Variants in FRMD6 observed in about 807,000 individuals in gnomAD.
FRMD6 encodes the protein FERM domain-containing protein 6.
Under a neutral mutation model 73.2 loss-of-function variants are expected in FRMD6, and 37 were observed. The observed-to-expected ratio is 0.51, with a 90% CI of 0.39 to 0.66. The LOEUF is 0.66. Ranked by LOEUF, FRMD6 falls within the 30% of genes least tolerant of loss-of-function variation. The pLI, the probability that FRMD6 is intolerant of heterozygous loss-of-function variation, is 0.00. For synonymous variants in FRMD6, 273 were observed against 282.2 expected, an observed-to-expected ratio of 0.97 and a Z score of 0.33; for missense variants, 714 against 780.5, an observed-to-expected ratio of 0.91 and a Z score of 1.02.
At position 51,711,557 on chromosome 14, in the gene FRMD6, G is replaced by T. The variant is rs1384464198; in HGVS notation, c.741G>T (p.Leu247=). The T allele has an allele frequency of 1.2e-5, 20 of 1,606,414 alleles. No homozygotes were observed. The East Asian group carries it at 1.3e-4, about 11-fold the overall frequency. The part of the protein sequence containing the change: ...YKDKREIEAS[L]TLGLTMRGIQ... ...ATAAAAGGGAAATTGAAGCATCGCT[G>T]ACTCTTGGATTGACCATGAGGGGAA... Residue 247 remains leucine (L), a synonymous_variant, in exon 8 of 14, where the codon CTG becomes CTT. Coordinates refer to ENST00000344768, the MANE Select transcript of FRMD6 (RefSeq NM_001267046.2).
intron 12 of FRMD6, 96 bp downstream of exon 12, chr14:51,722,176 C>A: frequency 7.4e-7 from 1 of 1,356,376 alleles, no homozygotes; most frequent in Non-Finnish European, 1.0e-6. Context: ...GCTGGGGGCC[C>A]TAGACCAGAG....
chr14:51,660,593 T>G (rs1893145716), intron 1 of FRMD6, among the ~76,000 whole-genome samples: 1 of 142,036 alleles, frequency 7.0e-6, no homozygotes. Flanking sequence ...GTCTGAGAGA[T>G]GTCAGTGAAT....
chr14:51,408,689 TGTAAA>T, the FRMD6 span, among the ~76,000 whole-genome samples: 9 of 152,332 alleles, frequency 5.9e-5, no homozygotes, highest in African/African-American at 1.4e-4. Flanking sequence ...TCTTTAAACA[TGTAAA>T]GTATTTTCTA....
chr14:51,708,986 A>G (rs1392911005), intron 7 of FRMD6, among the ~76,000 whole-genome samples: 1 of 152,022 alleles, frequency 6.6e-6, no homozygotes, highest in Non-Finnish European at 1.5e-5. Context: ...CCAAATAACA[A>G]CTGGGGCCAT....
At chr14:51,407,175 A>C in the FRMD6 span, among the ~76,000 whole-genome samples, 1 of 152,116 alleles carries the variant, frequency 6.6e-6, no homozygotes, top group African/African-American at 2.4e-5. Flanking sequence ...ATGTTAAAGT[A>C]ATTGTGATTG....
chr14:51,480,282 C>T, the FRMD6 span, among the ~76,000 whole-genome samples: 1 of 152,122 alleles, frequency 6.6e-6, no homozygotes, highest in Non-Finnish European at 1.5e-5. Context: ...ACAGGGTATA[C>T]GTACATGTGT....
At chr14:51,564,314 T>C (rs903831428) in intron 1 of FRMD6, among the ~76,000 whole-genome samples, 2 of 152,218 alleles carry the variant, frequency 1.3e-5, no homozygotes, top group African/African-American at 4.8e-5. Context: ...CGGTATGTGA[T>C]TTAAGTTTGC....
chr14:51,491,898 C>G (rs1366880003), intron 1 of FRMD6, among the ~76,000 whole-genome samples: 1 of 152,188 alleles, frequency 6.6e-6, no homozygotes, highest in Non-Finnish European at 1.5e-5. Flanking sequence ...TGCTGGAAAC[C>G]ACCAGGGAGA....
the FRMD6 span, among the ~76,000 whole-genome samples, chr14:51,448,069 T>C: frequency 2.8e-3 from 423 of 152,346 alleles, 2 homozygotes; most frequent in African/African-American, 9.2e-3. Flanking sequence ...ATCTCTGTGT[T>C]TGGTGTTCAC....
chr14:51,545,540 T>TAA (rs1886420762), intron 1 of FRMD6, among the ~76,000 whole-genome samples: 1 of 151,878 alleles, frequency 6.6e-6, no homozygotes, highest in Non-Finnish European at 1.5e-5. Context: ...AGGGTGGGAG[T>TAA]ATTTACACCA....
chr14:51,669,563 A>G (rs1893848665), intron 1 of FRMD6, among the ~76,000 whole-genome samples: 1 of 152,196 alleles, frequency 6.6e-6, no homozygotes, highest in South Asian at 2.1e-4. Flanking sequence ...GCAGGTGTGT[A>G]GTGGTACCTG....
intron 1 of FRMD6, among the ~76,000 whole-genome samples, chr14:51,541,394 A>C (rs1886193316): frequency 1.3e-5 from 2 of 152,100 alleles, no homozygotes; most frequent in African/African-American, 4.8e-5. Flanking sequence ...GGCAATGAAT[A>C]ACACACAAAA....
At chr14:51,466,634 G>A in the FRMD6 span, among the ~76,000 whole-genome samples, 3 of 152,088 alleles carry the variant, frequency 2.0e-5, no homozygotes, top group African/African-American at 7.2e-5. Flanking sequence ...GTACAAAATT[G>A]TTGTTAATAT....
chr14:51,622,896 G>T (rs1408101232), intron 2 of FRMD6, among the ~76,000 whole-genome samples: 4 of 152,112 alleles, frequency 2.6e-5, no homozygotes, highest in South Asian at 2.1e-4. Flanking sequence ...CTCCTAAATA[G>T]CTGGGACTAC....
At chr14:51,697,024 C>T (rs568486673) in intron 2 of FRMD6, among the ~76,000 whole-genome samples, 75 of 152,090 alleles carry the variant, frequency 4.9e-4, no homozygotes, top group African/African-American at 1.6e-3. Context: ...CAAGTGTTGA[C>T]GAGGATGTGG....
the FRMD6 span, among the ~76,000 whole-genome samples, chr14:51,416,250 G>A: frequency 6.6e-6 from 1 of 152,146 alleles, no homozygotes; most frequent in Non-Finnish European, 1.5e-5. Flanking sequence ...ATGTTAGGGT[G>A]TCAATTTTAG....
chr14:51,662,351 T>C (rs1014896186), intron 1 of FRMD6, among the ~76,000 whole-genome samples: 1 of 151,486 alleles, frequency 6.6e-6, no homozygotes, highest in Admixed American at 6.6e-5. Context: ...GCCAAGGCAA[T>C]CCTAAGCAAA....
At chr14:51,478,326 T>G in the FRMD6 span, among the ~76,000 whole-genome samples, 1 of 152,164 alleles carries the variant, frequency 6.6e-6, no homozygotes, top group South Asian at 2.1e-4. Flanking sequence ...CTCATTGGAT[T>G]TTTTTTCCAA....
At chr14:51,484,475 C>T (rs1882725479), upstream of FRMD6, among the ~76,000 whole-genome samples, 1 of 151,920 alleles carries the variant, frequency 6.6e-6, no homozygotes, top group South Asian at 2.1e-4. Flanking sequence ...TTAGCTGCAA[C>T]ATAACGAACA....
Sources: gnomAD v4.1 joint callset for allele counts (sites outside exome capture counted in the v4.1 genomes callset) on GRCh38, gnomAD v4.1.1 for gene constraint, MANE v1.5 for transcripts, NCBI Gene and HGNC (gene_info 2026-07-23, HGNC 2026-07-21) for gene names.